FUT9: variants seen among roughly 807,000 people sequenced by gnomAD.
FUT9 encodes fucosyltransferase 9.
Under a neutral mutation model 29.7 loss-of-function variants are expected in FUT9, and 15 were observed. The ratio of observed to expected loss-of-function variants is 0.51; its 90% CI spans 0.34 to 0.78. The LOEUF is 0.78. FUT9 is among the 30% of genes least tolerant of loss of function. FUT9 has a pLI of 0.01. For synonymous variants in FUT9, 169 were observed against 153.7 expected, an observed-to-expected ratio of 1.10 and a Z score of -0.74; for missense variants, 319 against 425.4, an observed-to-expected ratio of 0.75 and a Z score of 2.20.
At chr6:96,114,704 G>T (rs190259742) in intron 2 of FUT9, among the ~76,000 whole-genome samples, 2 of 151,932 alleles carry the variant, frequency 1.3e-5, no homozygotes, top group African/African-American at 4.8e-5. Context: ...ACCTCTTACT[G>T]TTCATTTCAC....
At chr6:96,168,577 G>T (rs533374560) in intron 2 of FUT9, among the ~76,000 whole-genome samples, 2 of 152,174 alleles carry the variant, frequency 1.3e-5, no homozygotes, top group African/African-American at 4.8e-5. Flanking sequence ...TTAAACTTGG[G>T]AAATAGAAGA....
At chr6:96,056,707 C>T (rs964065211) in intron 1 of FUT9, among the ~76,000 whole-genome samples, 2 of 151,740 alleles carry the variant, frequency 1.3e-5, no homozygotes, top group Non-Finnish European at 2.9e-5. Flanking sequence ...ATGATCGCAC[C>T]ACATCCAGCC....
At chr6:96,098,861 C>T (rs114970402) in intron 1 of FUT9, among the ~76,000 whole-genome samples, 1,936 of 152,208 alleles carry the variant, frequency 0.013, 48 homozygotes, top group African/African-American at 0.044. Context: ...TTAGATGAGG[C>T]ATGGTACTGT....
At chr6:96,165,260 C>G (rs990491630) in intron 2 of FUT9, among the ~76,000 whole-genome samples, 13 of 151,646 alleles carry the variant, frequency 8.6e-5, no homozygotes, top group Non-Finnish European at 1.5e-5. Flanking sequence ...GGAGAAACCC[C>G]GTCTCTACTA....
chr6:96,139,113 C>A lies in FUT9; in HGVS notation c.-9+24986C>A, dbSNP rs569721850. 1.6e-4 allele frequency among the ~76,000 whole-genome samples: 25 copies of A among 152,222 alleles called. No homozygotes were observed. The South Asian group carries it at 2.5e-3, about 15-fold the overall frequency. ...GACTGGGTAATTTATAAGGAGAAAG[C>A]AAGTTAGTTACTTCCTAGATAAAAT... is the stretch of plus-strand genomic sequence containing the variant. On this transcript the variant is annotated intron_variant, in intron 2 of 2. Transcript: ENST00000302103.
Position 96,203,514 on chromosome 6 carries a change from T to C in FUT9, c.359T>C (p.Leu120Ser). Residue 120 changes from leucine (L) to serine (S), a missense_variant, in exon 3 of 3, where the codon TTA becomes TCA. Leu to Ser is a moderately radical substitution (Grantham distance 145). Coordinates refer to ENST00000302103, the MANE Select transcript of FUT9 (RefSeq NM_006581.4). ...HRDISWDLTN[L>S]PQQARPPFQK... ...GACATCAGTTGGGATCTGACAAATT[T>C]ACCTCAGCAAGCTAGGCCACCCTTC... The C allele has an allele frequency of 6.2e-7, 1 of 1,613,384 alleles. No individual in the cohort carries two copies. The highest frequency in any genetic ancestry group is 8.5e-7 in the Non-Finnish European group (1 of 1,179,702).
intron 2 of FUT9, among the ~76,000 whole-genome samples, chr6:96,181,365 C>A (rs566602200): frequency 6.6e-6 from 1 of 152,044 alleles, no homozygotes; most frequent in East Asian, 1.9e-4. Context: ...TAGAAGTCTA[C>A]AATGTCACCT....
intron 1 of FUT9, among the ~76,000 whole-genome samples, chr6:96,096,857 T>C (rs1771503860): frequency 6.6e-6 from 1 of 152,044 alleles, no homozygotes; most frequent in South Asian, 2.1e-4. Context: ...TGGTTTTTAT[T>C]CGTTTCTTGT....
chr6:96,121,652 T>G (rs1187315107), intron 2 of FUT9, among the ~76,000 whole-genome samples: 1 of 152,188 alleles, frequency 6.6e-6, no homozygotes, highest in East Asian at 1.9e-4. Context: ...CTATATTGTA[T>G]CTCTTCATAT....
At position 96,203,689 on chromosome 6, in the gene FUT9, C is replaced by T. The variant is rs779588196; in HGVS notation, c.534C>T (p.Phe178=). The change falls in exon 3 of 3, where the codon TTC becomes TTT. Residue 178 remains phenylalanine, a synonymous_variant. Coordinates refer to ENST00000302103, the MANE Select transcript of FUT9 (RefSeq NM_006581.4). Reference sequence around the variant, plus strand: ...TCTTGACGGTAAGCACAAATCCCTTCGTGTTTGAAGTGCCAAGCAAAGAGA... The same window carrying T: ...TCTTGACGGTAAGCACAAATCCCTTTGTGTTTGAAGTGCCAAGCAAAGAGA... ...YGFLTVSTNP[F]VFEVPSKEKL... is the part of the protein sequence containing the mutation. 5 of 1,613,838 alleles carry T rather than the reference C, an allele frequency of 3.1e-6. No individual in the cohort carries two copies. Among genetic ancestry groups the T allele is most frequent in the Non-Finnish European group, 4.2e-6 (5 of 1,179,964 alleles).
At chr6:96,151,802 G>C (rs1164912215) in intron 2 of FUT9, among the ~76,000 whole-genome samples, 1 of 152,142 alleles carries the variant, frequency 6.6e-6, no homozygotes, top group African/African-American at 2.4e-5. Context: ...CAGTATAAAA[G>C]GAGTTATATA....
At chr6:96,173,147 C>T (rs1412780478) in intron 2 of FUT9, among the ~76,000 whole-genome samples, 2 of 151,968 alleles carry the variant, frequency 1.3e-5, no homozygotes, top group Admixed American at 6.6e-5. Flanking sequence ...CTGAGTTCCT[C>T]TCTGCTGATT....
intron 1 of FUT9, among the ~76,000 whole-genome samples, chr6:96,103,510 A>AT (rs1463108949): frequency 8.5e-5 from 13 of 152,342 alleles, no homozygotes; most frequent in Admixed American, 5.2e-4. Flanking sequence ...TGGAGGCTAG[A>AT]AGTCCAAACT....
intron 1 of FUT9, among the ~76,000 whole-genome samples, chr6:96,046,969 C>T (rs2127936086): frequency 6.6e-6 from 1 of 152,244 alleles, no homozygotes; most frequent in Admixed American, 6.5e-5. Context: ...GCAATACACC[C>T]TAGTGACTAG....
intron 2 of FUT9, among the ~76,000 whole-genome samples, chr6:96,138,535 T>C (rs1440785060): frequency 1.3e-5 from 2 of 151,454 alleles, no homozygotes; most frequent in African/African-American, 4.9e-5. Flanking sequence ...AAATTAAAAA[T>C]GGCACTTCTT....
At chr6:96,034,780 A>C (rs975969806) in intron 1 of FUT9, among the ~76,000 whole-genome samples, 21 of 151,720 alleles carry the variant, frequency 1.4e-4, no homozygotes, top group Admixed American at 5.9e-4. Flanking sequence ...CTTGTTTAAC[A>C]GGTGCAAAGA....
At chr6:96,122,818 C>A (rs6927717) in intron 2 of FUT9, among the ~76,000 whole-genome samples, 3 of 151,894 alleles carry the variant, frequency 2.0e-5, no homozygotes, top group Admixed American at 6.6e-5. Flanking sequence ...AGGCCGAGGC[C>A]GGTGGATCAC....
At chr6:96,073,587 A>G (rs1292983143) in intron 1 of FUT9, among the ~76,000 whole-genome samples, 1 of 152,230 alleles carries the variant, frequency 6.6e-6, no homozygotes, top group Non-Finnish European at 1.5e-5. Flanking sequence ...ATCAAGAGTG[A>G]GGTCAGGTTG....
intron 2 of FUT9, among the ~76,000 whole-genome samples, chr6:96,179,268 T>C (rs1773263586): frequency 6.6e-6 from 1 of 152,142 alleles, no homozygotes; most frequent in Non-Finnish European, 1.5e-5. Context: ...ACTCATTTAG[T>C]AGATATTTAT....
Sources: allele counts gnomAD v4.1 joint callset (sites outside exome capture counted in the v4.1 genomes callset), GRCh38; gene constraint gnomAD v4.1.1; transcripts MANE v1.5; gene names NCBI Gene and HGNC (gene_info 2026-07-23, HGNC 2026-07-21).